Variants in TMEM260 observed in about 807,000 individuals in gnomAD.
TMEM260 encodes transmembrane protein 260.
A neutral mutation model predicts 88.9 loss-of-function variants in TMEM260; 82 were observed. The ratio of observed to expected loss-of-function variants is 0.92; its 90% CI spans 0.77 to 1.11. The LOEUF is 1.11. TMEM260 is among the 50% of genes least tolerant of loss of function. The pLI is 0.00. For missense variants in TMEM260, 902 were observed against 853.4 expected (o/e 1.06, Z -0.71); for synonymous variants, 314 against 309.3 (o/e 1.02, Z -0.16).
intron 12 of TMEM260, among the ~76,000 whole-genome samples, chr14:56,628,765 T>C (rs1888394739): frequency 6.6e-6 from 1 of 152,108 alleles, no homozygotes; most frequent in Admixed American, 6.6e-5. Flanking sequence ...TATATTTGAG[T>C]CTTATTTTAC....
chr14:56,629,543 G>A (rs1031610400), intron 12 of TMEM260, among the ~76,000 whole-genome samples: 6 of 151,964 alleles, frequency 3.9e-5, no homozygotes, highest in Non-Finnish European at 7.4e-5. Flanking sequence ...CTTCAATCCT[G>A]ATATTCCACA....
At chr14:56,657,283 G>A in the TMEM260 span, among the ~76,000 whole-genome samples, 2 of 151,308 alleles carry the variant, frequency 1.3e-5, no homozygotes, top group African/African-American at 4.9e-5. Flanking sequence ...TTTTGTAAAT[G>A]AGCACCCCAT....
chr14:56,579,565 A>G (rs1418047062), upstream of TMEM260: 1 of 216,874 alleles, frequency 4.6e-6, no homozygotes, highest in East Asian at 9.2e-5. Flanking sequence ...GACCCAACCA[A>G]GTCAGTATAA....
chr14:56,641,509 AAAG>A (rs1325341038), intron 15 of TMEM260, among the ~76,000 whole-genome samples: 1 of 152,220 alleles, frequency 6.6e-6, no homozygotes, highest in African/African-American at 2.4e-5. Flanking sequence ...AGAGCTCCTG[AAAG>A]AAGCACTAAA....
chr14:56,636,836 C>T (rs764054975), intron 15 of TMEM260, among the ~76,000 whole-genome samples: 50 of 152,196 alleles, frequency 3.3e-4, no homozygotes, highest in Admixed American at 1.6e-3. Flanking sequence ...GTCCTAATCT[C>T]CACAACCTGT....
chr14:56,653,015 C>T (rs1410734004), downstream of TMEM260, among the ~76,000 whole-genome samples: 2 of 152,060 alleles, frequency 1.3e-5, no homozygotes, highest in Admixed American at 6.6e-5. Flanking sequence ...CACCATGGGC[C>T]GGGCGCGGTG....
intron 15 of TMEM260, among the ~76,000 whole-genome samples, chr14:56,643,255 C>A (rs1319744305): frequency 6.6e-6 from 1 of 152,192 alleles, no homozygotes; most frequent in Non-Finnish European, 1.5e-5. Flanking sequence ...ATGCAAAAAT[C>A]CTCAATAAAA....
At position 56,648,269 on chromosome 14, in the gene TMEM260, G is replaced by C. The variant is rs1011597572; in HGVS notation, c.*772G>C. On this transcript the variant is annotated 3_prime_UTR_variant, in exon 16 of 16. Transcript: ENST00000261556. ...CAAAGGGGAAAAAAAGGCAGGGATT[G>C]GGGGGGATGGGGAAGTGGCCCAATA... 4.1e-5 allele frequency: 6 copies of C among 145,162 alleles called. No homozygotes were observed. The highest frequency in any genetic ancestry group is 1.5e-4 in the African/African-American group (6 of 41,094). 9.0% of individuals were successfully genotyped at this position (145,162 alleles called of 1,614,324 possible).
intron 11 of TMEM260, among the ~76,000 whole-genome samples, chr14:56,622,330 G>A (rs1202198508): frequency 2.4e-4 from 28 of 116,224 alleles, no homozygotes; most frequent in South Asian, 8.4e-4. Context: ...GCAACAGGGC[G>A]AGACTCCGTC....
chr14:56,588,202 C>G (rs1366095445), intron 3 of TMEM260, among the ~76,000 whole-genome samples: 1 of 152,006 alleles, frequency 6.6e-6, no homozygotes, highest in Non-Finnish European at 1.5e-5. Context: ...TTCTTTCTTT[C>G]CCCCATCACT....
chr14:56,601,819 A>T (rs1172221553), intron 3 of TMEM260, among the ~76,000 whole-genome samples: 2 of 152,114 alleles, frequency 1.3e-5, no homozygotes, highest in African/African-American at 2.4e-5. Flanking sequence ...GAGCCTCTTT[A>T]AGCTGGCTCC....
intron 3 of TMEM260, among the ~76,000 whole-genome samples, chr14:56,590,238 G>T (rs1885767143): frequency 6.6e-6 from 1 of 152,146 alleles, no homozygotes; most frequent in Non-Finnish European, 1.5e-5. Context: ...GGCTCAAATA[G>T]CAGCGCTTCA....
chr14:56,593,357 T>G (rs1203929258), intron 3 of TMEM260: 1 of 152,228 alleles, frequency 6.6e-6, no homozygotes, highest in African/African-American at 2.4e-5. Flanking sequence ...CCATACTATC[T>G]GTCATACTCT....
upstream of TMEM260, chr14:56,579,747 C>T (rs1444143524): frequency 5.6e-6 from 3 of 538,388 alleles, no homozygotes; most frequent in Admixed American, 4.4e-5. Flanking sequence ...CTGGCATTTT[C>T]TCCTCCCCGC....
chr14:56,586,657 TC>T (rs1477261175), intron 3 of TMEM260, among the ~76,000 whole-genome samples: 1 of 152,114 alleles, frequency 6.6e-6, no homozygotes, highest in Non-Finnish European at 1.5e-5. Flanking sequence ...TTAAAACACT[TC>T]TTCTAAAAAC....
At chr14:56,622,792 T>C (rs1248459834) in intron 11 of TMEM260, among the ~76,000 whole-genome samples, 3 of 152,226 alleles carry the variant, frequency 2.0e-5, no homozygotes, top group African/African-American at 7.2e-5. Context: ...TGCACTTTGT[T>C]GAATTAATGA....
intron 15 of TMEM260, among the ~76,000 whole-genome samples, chr14:56,642,755 A>AC (rs1378722867): frequency 6.6e-6 from 1 of 152,232 alleles, no homozygotes; most frequent in African/African-American, 2.4e-5. Context: ...AAATTGATAG[A>AC]CCACTAGCAA....
At chr14:56,619,787 G>A (rs1887801114) in intron 10 of TMEM260, among the ~76,000 whole-genome samples, 2 of 152,096 alleles carry the variant, frequency 1.3e-5, no homozygotes. Context: ...TTATTACTGG[G>A]TATATACCTA....
At chr14:56,646,650 GC>G (rs1309846348) in intron 15 of TMEM260, among the ~76,000 whole-genome samples, 1 of 152,178 alleles carries the variant, frequency 6.6e-6, no homozygotes, top group Non-Finnish European at 1.5e-5. Context: ...ATACTGTGAA[GC>G]TTTTCAGTAT....
Sources: allele counts gnomAD v4.1 joint callset (sites outside exome capture counted in the v4.1 genomes callset), GRCh38; gene constraint gnomAD v4.1.1; transcripts MANE v1.5; gene names NCBI Gene and HGNC (gene_info 2026-07-23, HGNC 2026-07-21).